Variants in APOOL observed in about 807,000 individuals in gnomAD.
APOOL encodes the protein MICOS complex subunit MIC27.
Under a neutral mutation model 23.1 loss-of-function variants are expected in APOOL, and 12 were observed. The observed-to-expected ratio is 0.52, with a 90% confidence interval of 0.33 to 0.84. The LOEUF (loss-of-function observed/expected upper bound fraction) is 0.84, where lower values mean the gene tolerates loss of function less well. APOOL is among the 40% of genes least tolerant of loss of function. APOOL has a pLI of 0.02. For synonymous variants in APOOL, 77 were observed against 69.9 expected (o/e 1.10, Z -0.51); for missense variants, 212 against 199.6 (o/e 1.06, Z -0.37).
intron 1 of APOOL, among the ~76,000 whole-genome samples, chrX:85,034,833 G>T (rs1318303532): frequency 8.9e-6 from 1 of 111,912 alleles, no homozygotes; most frequent in Non-Finnish European, 1.9e-5. Context: ...TGGTGTATAT[G>T]TATCTCATTT....
At chrX:85,017,310 A>G (rs766503719) in intron 1 of APOOL, among the ~76,000 whole-genome samples, 35 of 111,338 alleles carry the variant, frequency 3.1e-4, no homozygotes, top group African/African-American at 1.1e-3. Flanking sequence ...GAAAGGACTC[A>G]CCCAGCTCCC....
chrX:85,061,786 G>A (rs1209599639), intron 5 of APOOL, among the ~76,000 whole-genome samples: 1 of 111,173 alleles, frequency 9.0e-6, no homozygotes, highest in East Asian at 2.8e-4. Context: ...TTCTTTATTA[G>A]TCTTGCTAGC....
chrX:85,057,949 G>C (rs182269396), intron 5 of APOOL, among the ~76,000 whole-genome samples: 1 of 110,973 alleles, frequency 9.0e-6, no homozygotes, highest in African/African-American at 3.3e-5. Context: ...GTCATTCACC[G>C]TGTTTTCAAA....
intron 1 of APOOL, among the ~76,000 whole-genome samples, chrX:85,032,670 T>C (rs969946310): frequency 8.9e-6 from 1 of 112,106 alleles, no homozygotes; most frequent in African/African-American, 3.2e-5. Context: ...ACCACAATTA[T>C]TGAATGATTA....
At chrX:85,081,005 C>T (rs1924076475) in intron 8 of APOOL, among the ~76,000 whole-genome samples, 1 of 111,167 alleles carries the variant, frequency 9.0e-6, no homozygotes, top group Admixed American at 9.6e-5. Flanking sequence ...TGAGATCAGT[C>T]TCCTGAATCC....
chrX:85,045,156 A>G (rs1922532562), intron 1 of APOOL, among the ~76,000 whole-genome samples: 2 of 111,901 alleles, frequency 1.8e-5, no homozygotes, highest in South Asian at 7.4e-4. Flanking sequence ...CCAACTGGGT[A>G]TAAGAAATAA....
intron 8 of APOOL, among the ~76,000 whole-genome samples, chrX:85,082,640 A>C (rs760691931): frequency 8.9e-6 from 1 of 111,848 alleles, no homozygotes; most frequent in African/African-American, 3.2e-5. Flanking sequence ...GTCCAGAAAT[A>C]ATGTTTTATT....
chrX:85,086,762 C>G (rs990290024), intron 8 of APOOL, among the ~76,000 whole-genome samples: 4 of 89,057 alleles, frequency 4.5e-5, no homozygotes, highest in South Asian at 6.5e-4. Context: ...TGCAGTGGCG[C>G]GATCTCGGCT....
chrX:85,024,882 G>A (rs761950247), intron 1 of APOOL, among the ~76,000 whole-genome samples: 1 of 112,590 alleles, frequency 8.9e-6, no homozygotes, highest in South Asian at 3.6e-4. Context: ...CTGCTGGTGA[G>A]CTCTTTGAAA....
chrX:85,083,413 A>G (rs1310357150), intron 8 of APOOL, among the ~76,000 whole-genome samples: 1 of 111,569 alleles, frequency 9.0e-6, no homozygotes, highest in African/African-American at 3.3e-5. Flanking sequence ...GGACTCTGTT[A>G]AAAAATTCTA....
At chrX:85,012,026 T>A (rs1441043885) in intron 1 of APOOL, among the ~76,000 whole-genome samples, 1 of 111,926 alleles carries the variant, frequency 8.9e-6, no homozygotes, top group East Asian at 2.8e-4. Flanking sequence ...CTTTCAGTAG[T>A]GTTTTATAGT....
chrX:85,055,737 G>A (rs919983998), intron 4 of APOOL, 90 bp from the exon 5 acceptor site: 8 of 602,585 alleles, frequency 1.3e-5, no homozygotes, highest in African/African-American at 9.6e-5. Flanking sequence ...TATTATCTTA[G>A]CAAATCTCTT....
At chrX:85,061,521 T>G (rs1302930231) in intron 5 of APOOL, among the ~76,000 whole-genome samples, 2 of 112,166 alleles carry the variant, frequency 1.8e-5, no homozygotes, top group Non-Finnish European at 3.8e-5. Flanking sequence ...TGTACTTTTT[T>G]TGGTTGGTAG....
intron 5 of APOOL, among the ~76,000 whole-genome samples, chrX:85,061,566 A>T: frequency 8.9e-6 from 1 of 111,860 alleles, no homozygotes. Flanking sequence ...AGAGCCTATT[A>T]TTGGTCTATT....
intron 1 of APOOL, among the ~76,000 whole-genome samples, chrX:85,040,029 C>A (rs781630017): frequency 9.0e-6 from 1 of 111,727 alleles, no homozygotes; most frequent in South Asian, 3.7e-4. Context: ...TTTTGTGGTG[C>A]CACTGACAGT....
Position 85,028,277 on chromosome X carries a change from A to C in APOOL, c.16-18169A>C, listed in dbSNP as rs746009413. 6.3e-5 allele frequency among the ~76,000 whole-genome samples: 7 copies of C among 111,757 alleles called. No individual in the cohort carries two copies. The East Asian group carries it at 1.7e-3, about 27-fold the overall frequency. On this transcript the variant is annotated intron_variant, in intron 1 of 8. Transcript: ENST00000373173. ...TTTGCTAGAGACCATCAGCATTCCT[A>C]GTCTCATGATGACTTCTTCCATTTT...
Position 85,093,106 on chromosome X carries a change from A to C in APOOL, c.*5428A>C. The C allele has an allele frequency of 2.1e-6, 2 of 959,863 alleles. No homozygotes were observed. The highest frequency in any genetic ancestry group is 2.9e-6 in the Non-Finnish European group (2 of 699,868). 79.1% of individuals were successfully genotyped at this position (959,863 alleles called of 1,213,427 possible). ...GGGTTATGTTCAAATGGTGAGATTAATGATTTAATTTATGCCCTGTGAATA... is the reference window on the plus strand; with the variant it reads ...GGGTTATGTTCAAATGGTGAGATTACTGATTTAATTTATGCCCTGTGAATA... On this transcript the variant is annotated 3_prime_UTR_variant, in exon 9 of 9. Transcript: ENST00000373173.
intron 6 of APOOL, among the ~76,000 whole-genome samples, chrX:85,071,281 A>C (rs1488435251): frequency 9.0e-6 from 1 of 110,675 alleles, no homozygotes. Context: ...TTGTCTGTCT[A>C]CTGTGTATTG....
chrX:85,077,574 A>T (rs367561865), intron 8 of APOOL, among the ~76,000 whole-genome samples: 1 of 111,522 alleles, frequency 9.0e-6, no homozygotes. Context: ...ACATATGTGT[A>T]CATGTGTGTT....
Sources: allele counts gnomAD v4.1 joint callset (sites outside exome capture counted in the v4.1 genomes callset), GRCh38; gene constraint gnomAD v4.1.1; transcripts MANE v1.5; gene names NCBI Gene and HGNC (gene_info 2026-07-23, HGNC 2026-07-21).